Variants in KCNC2 observed in about 807,000 individuals in gnomAD.
KCNC2 encodes the protein potassium voltage-gated channel subfamily C member 2, also known as voltage-gated potassium channel KCNC2.
A neutral mutation model predicts 44.5 loss-of-function variants in KCNC2; 21 were observed. The observed-to-expected ratio is 0.47, with a 90% confidence interval of 0.33 to 0.68. The LOEUF is 0.68. Among genes scored for constraint, KCNC2 ranks in the 30% least tolerant of loss-of-function variants. The probability of loss-of-function intolerance (pLI) is 0.01; values close to 1 mark genes in which losing one functional copy is unlikely to be tolerated. For missense variants in KCNC2, 589 were observed against 826.2 expected (o/e 0.71, Z 3.52); for synonymous variants, 391 against 339.1 (o/e 1.15, Z -1.68).
At chr12:75,120,732 G>A (rs570408947) in intron 2 of KCNC2, among the ~76,000 whole-genome samples, 2 of 152,268 alleles carry the variant, frequency 1.3e-5, no homozygotes, top group East Asian at 1.9e-4. Context: ...CTTAGTAAGT[G>A]TTTCTTGTAA....
chr12:75,138,719 G>A (rs1889406445), intron 2 of KCNC2, among the ~76,000 whole-genome samples: 2 of 152,218 alleles, frequency 1.3e-5, no homozygotes, highest in Admixed American at 1.3e-4. Context: ...GGTGGCTCAT[G>A]CTTATAATCC....
rs111511495 is a variant in KCNC2, at chr12:75,083,852, T to C, written c.688-32535A>G. On this transcript the variant is annotated intron_variant, in intron 2 of 4. Transcript: ENST00000549446. ...TACTCCTTTATAAAGAAATGTACTA[T>C]ACAATAATTAGTAAAAACTCATAAA... Among the ~76,000 whole-genome samples the C allele has an allele frequency of 1.2e-3, 177 of 152,058 alleles. 2 individuals are homozygous for C. The highest frequency in any genetic ancestry group is 3.9e-3 in the African/African-American group (163 of 41,536).
At position 75,163,597 on chromosome 12, in the gene KCNC2, T is replaced by C. The variant is rs562899598; in HGVS notation, c.687+43700A>G. 6.6e-5 allele frequency among the ~76,000 whole-genome samples: 10 copies of C among 151,840 alleles called. No individual in the cohort carries two copies. The East Asian group carries it at 1.6e-3, about 24-fold the overall frequency. ...AAATTTCAAAACTATGAGACAGATA[T>C]ATAAAAAACGTAAAAAATATCTATT... is the stretch of plus-strand genomic sequence containing the variant. On this transcript the variant is annotated intron_variant, in intron 2 of 4. Transcript: ENST00000549446.
chr12:75,114,410 T>A (rs1364761738), intron 2 of KCNC2, among the ~76,000 whole-genome samples: 1 of 152,200 alleles, frequency 6.6e-6, no homozygotes, highest in Non-Finnish European at 1.5e-5. Context: ...TTGACAAATA[T>A]ATATGTAACA....
chr12:75,190,726 A>G (rs1045448969), intron 2 of KCNC2, among the ~76,000 whole-genome samples: 1 of 152,166 alleles, frequency 6.6e-6, no homozygotes, highest in Non-Finnish European at 1.5e-5. Flanking sequence ...AATATATAGC[A>G]TATTACAAAG....
At chr12:75,200,186 G>A (rs992037988) in intron 2 of KCNC2, among the ~76,000 whole-genome samples, 6 of 151,918 alleles carry the variant, frequency 3.9e-5, no homozygotes, top group Non-Finnish European at 7.4e-5. Context: ...TAAAATTTGT[G>A]CATTTAGTGT....
chr12:75,160,552 T>C (rs1891055426), intron 2 of KCNC2, among the ~76,000 whole-genome samples: 1 of 151,866 alleles, frequency 6.6e-6, no homozygotes, highest in Admixed American at 6.6e-5. Flanking sequence ...CAAATTACTT[T>C]CTATACCACA....
chr12:75,163,302 G>A (rs1199512609), intron 2 of KCNC2, among the ~76,000 whole-genome samples: 1 of 151,624 alleles, frequency 6.6e-6, no homozygotes, highest in Non-Finnish European at 1.5e-5. Context: ...AACTCCAGAG[G>A]GAAAATGATT....
In KCNC2 at chr12:75,042,686, T is replaced by C; in HGVS notation, c.*419A>G. On this transcript the variant is annotated 3_prime_UTR_variant, in exon 5 of 5. Coordinates refer to ENST00000549446, the MANE Select transcript of KCNC2 (RefSeq NM_139137.4). ...TGCAAATGAGCTGACACAAGTCATGTCGTGTGCAATCAAGATAGGATCCCA... is the reference window on the plus strand; with the variant it reads ...TGCAAATGAGCTGACACAAGTCATGCCGTGTGCAATCAAGATAGGATCCCA... 8 of 1,192,610 alleles carry C rather than the reference T, an allele frequency of 6.7e-6. No individual in the cohort carries two copies. The South Asian group carries it at 7.5e-5, about 11-fold the overall frequency. The allele number at this position is 1,192,610 out of a possible 1,614,324, so 73.9% of individuals were successfully genotyped here.
chr12:75,149,947 T>A (rs1890275720), intron 2 of KCNC2, among the ~76,000 whole-genome samples: 2 of 151,838 alleles, frequency 1.3e-5, no homozygotes, highest in African/African-American at 4.8e-5. Flanking sequence ...CATACTAAAT[T>A]TGAACATGCT....
chr12:75,075,583 G>A (rs1284442985), intron 2 of KCNC2, among the ~76,000 whole-genome samples: 2 of 151,496 alleles, frequency 1.3e-5, no homozygotes, highest in African/African-American at 4.8e-5. Flanking sequence ...TAATTACATA[G>A]TTATTCTTGA....
At chr12:75,091,631 T>C (rs961849494) in intron 2 of KCNC2, among the ~76,000 whole-genome samples, 3 of 151,704 alleles carry the variant, frequency 2.0e-5, no homozygotes, top group African/African-American at 4.8e-5. Flanking sequence ...AAATAGGTTT[T>C]TGTTTAGTTT....
rs778607777 is a variant in KCNC2 at position 75,051,273 on chromosome 12, T to A, written c.732A>T (p.Thr244=). The change falls in exon 3 of 5, where the codon ACA becomes ACT. Residue 244 remains threonine (T), a synonymous_variant. Transcript: ENST00000549446. ...CTTCATGTGTTTCCAGGCAAAAAGT[T>A]GTAATTGAAACCAGGATGAAGAATA... ...ASLFFILVSI[T]TFCLETHEAF... is the part of the protein sequence containing the mutation. 27 of 1,600,812 alleles carry A rather than the reference T, an allele frequency of 1.7e-5. No individual in the cohort carries two copies. The highest frequency in any genetic ancestry group is 3.3e-4 in the Middle Eastern group (2 of 6,040).
chr12:75,150,879 C>A (rs73355638), intron 2 of KCNC2, among the ~76,000 whole-genome samples: 1 of 151,684 alleles, frequency 6.6e-6, no homozygotes, highest in Non-Finnish European at 1.5e-5. Flanking sequence ...CTATGTAAAA[C>A]GTAACCTTCA....
intron 3 of KCNC2, among the ~76,000 whole-genome samples, chr12:75,049,493 G>A (rs946070018): frequency 6.6e-6 from 1 of 152,056 alleles, no homozygotes; most frequent in African/African-American, 2.4e-5. Flanking sequence ...CCAGACAGTA[G>A]ACAAGAGGTG....
rs1399970124 is a variant in KCNC2, at chr12:75,102,894, T to C, written c.688-51577A>G. 5.3e-5 allele frequency among the ~76,000 whole-genome samples: 8 copies of C among 152,112 alleles called. No homozygotes were observed. In the East Asian group the frequency reaches 1.5e-3, roughly 29 times the overall value. ...TCTTACAATAAGATAATTTGTTTTA[T>C]ATAGCATTGCATGGAATGGAGTGTT... On this transcript the variant is annotated intron_variant, in intron 2 of 4. Transcript: ENST00000549446.
chr12:75,080,315 C>G (rs1483132294), intron 2 of KCNC2, among the ~76,000 whole-genome samples: 3 of 151,790 alleles, frequency 2.0e-5, no homozygotes, highest in African/African-American at 7.3e-5. Flanking sequence ...GGATTAGAAA[C>G]TGTTTTGTTT....
intron 2 of KCNC2, among the ~76,000 whole-genome samples, chr12:75,134,388 C>T (rs926728904): frequency 6.6e-6 from 1 of 151,798 alleles, no homozygotes; most frequent in Non-Finnish European, 1.5e-5. Context: ...TTCTTTATAA[C>T]ACAAAAGGCA....
chr12:75,145,037 T>C (rs1395290639), intron 2 of KCNC2, among the ~76,000 whole-genome samples: 1 of 152,172 alleles, frequency 6.6e-6, no homozygotes, highest in African/African-American at 2.4e-5. Flanking sequence ...CCTGCTCTGA[T>C]CTTCTGTGTC....
Sources: gnomAD v4.1 joint callset for allele counts (sites outside exome capture counted in the v4.1 genomes callset) on GRCh38, gnomAD v4.1.1 for gene constraint, MANE v1.5 for transcripts, NCBI Gene and HGNC (gene_info 2026-07-23, HGNC 2026-07-21) for gene names.